Variants in CCSER1 observed in about 807,000 individuals in gnomAD.
The protein encoded by CCSER1 is serine-rich coiled-coil domain-containing protein 1.
In CCSER1, 41 loss-of-function variants were observed where a neutral mutation model predicts 82.0. The ratio of observed to expected loss-of-function variants is 0.50; its 90% CI spans 0.39 to 0.65. The LOEUF (loss-of-function observed/expected upper bound fraction) is 0.65, where lower values mean the gene tolerates loss of function less well. Ranked by LOEUF, CCSER1 falls within the 30% of genes least tolerant of loss-of-function variation. CCSER1 has a pLI of 0.00. For missense variants in CCSER1, 1,119 were observed against 1,064.2 expected (o/e 1.05, Z -0.72); for synonymous variants, 414 against 383.9 (o/e 1.08, Z -0.92).
chr4:90,352,766 G>T (rs1187341297), intron 3 of CCSER1, among the ~76,000 whole-genome samples: 5 of 152,072 alleles, frequency 3.3e-5, no homozygotes, highest in Admixed American at 3.3e-4. Context: ...TGTTTTTCCT[G>T]TAAAATGGGG....
intron 10 of CCSER1, among the ~76,000 whole-genome samples, chr4:91,214,650 A>T (rs1439869407): frequency 6.6e-6 from 1 of 152,202 alleles, no homozygotes; most frequent in Non-Finnish European, 1.5e-5. Flanking sequence ...TAGCATATTT[A>T]CTATTCTGAA....
At chr4:90,686,182 T>C (rs1392252452) in intron 6 of CCSER1, among the ~76,000 whole-genome samples, 2 of 152,188 alleles carry the variant, frequency 1.3e-5, no homozygotes, top group Admixed American at 1.3e-4. Context: ...TTCTGGGAAG[T>C]CTAGTTTTAG....
At position 90,861,380 on chromosome 4, in the gene CCSER1, A is replaced by G. The variant is rs146846939; in HGVS notation, c.2094+45535A>G. Among the ~76,000 whole-genome samples, 10 of 151,862 alleles carry G rather than the reference A, an allele frequency of 6.6e-5. No individual in the cohort carries two copies. In the East Asian group the frequency reaches 1.9e-3, roughly 29 times the overall value. On this transcript the variant is annotated intron_variant, in intron 8 of 10. Coordinates refer to ENST00000509176, the MANE Select transcript of CCSER1 (RefSeq NM_001145065.2). Reference sequence around the variant, plus strand: ...TAAATTCCAAAAGCAATAACACAGTATTATGTATAATGATTGATGTCCCAG... The same window carrying G: ...TAAATTCCAAAAGCAATAACACAGTGTTATGTATAATGATTGATGTCCCAG...
chr4:90,455,087 AG>A (rs1761998077), intron 4 of CCSER1, among the ~76,000 whole-genome samples: 2 of 152,190 alleles, frequency 1.3e-5, no homozygotes, highest in South Asian at 4.1e-4. Flanking sequence ...TGCCACCAGG[AG>A]GGCAGAATCA....
intron 10 of CCSER1, among the ~76,000 whole-genome samples, chr4:91,221,557 G>A (rs1030060923): frequency 4.2e-5 from 4 of 95,506 alleles, no homozygotes; most frequent in Non-Finnish European, 4.0e-5. Flanking sequence ...ATAACCCATA[G>A]GCATGGATTG....
At chr4:90,842,033 T>A (rs1344103995) in intron 8 of CCSER1, among the ~76,000 whole-genome samples, 4 of 152,298 alleles carry the variant, frequency 2.6e-5, no homozygotes, top group Middle Eastern at 3.4e-3. Context: ...CTCTGTTTTT[T>A]TTTTCCCATT....
At position 91,185,857 on chromosome 4, in the gene CCSER1, G is replaced by A. The variant is rs151181755; in HGVS notation, c.2217+99863G>A. ...GGAGTATTTCCTTTATCCACTCTCA[G>A]TCTTGCCATTGCCTGTACTAGCCAA... is the stretch of plus-strand genomic sequence containing the variant. On this transcript the variant is annotated intron_variant, in intron 10 of 10. Transcript: ENST00000509176. Among the ~76,000 whole-genome samples, 35 of 152,186 alleles carry A rather than the reference G, an allele frequency of 2.3e-4. No homozygotes were observed. The East Asian group carries it at 6.8e-3, about 29-fold the overall frequency.
At chr4:90,702,273 T>G (rs542765722) in intron 6 of CCSER1, among the ~76,000 whole-genome samples, 128 of 152,168 alleles carry the variant, frequency 8.4e-4, no homozygotes, top group Non-Finnish European at 1.6e-3. Context: ...CTGGATTACG[T>G]TTATTGGTTT....
intron 9 of CCSER1, among the ~76,000 whole-genome samples, chr4:90,972,903 T>C (rs367572451): frequency 2.0e-5 from 3 of 151,596 alleles, no homozygotes; most frequent in African/African-American, 7.3e-5. Context: ...AAGCATACAA[T>C]GGGGGGACGA....
intron 10 of CCSER1, among the ~76,000 whole-genome samples, chr4:91,179,810 C>T (rs561581254): frequency 2.6e-5 from 4 of 152,226 alleles, no homozygotes; most frequent in Non-Finnish European, 5.9e-5. Context: ...TCTCTGAACT[C>T]GTCAAAGTCA....
intron 10 of CCSER1, among the ~76,000 whole-genome samples, chr4:91,156,389 T>TA (rs1471828422): frequency 4.5e-4 from 69 of 151,732 alleles, no homozygotes; most frequent in African/African-American, 1.6e-3. Context: ...TCCCTACTTT[T>TA]AAAAAAATTT....
chr4:90,265,049 G>A (rs1052002718), intron 1 of CCSER1, among the ~76,000 whole-genome samples: 3 of 151,648 alleles, frequency 2.0e-5, no homozygotes, highest in Non-Finnish European at 2.9e-5. Flanking sequence ...GAATATTCTT[G>A]TATCTCAGAT....
intron 6 of CCSER1, among the ~76,000 whole-genome samples, chr4:90,645,996 T>A (rs534604452): frequency 2.2e-4 from 33 of 152,208 alleles, no homozygotes; most frequent in Non-Finnish European, 4.6e-4. Context: ...TACTGACAAA[T>A]TGTTTAATAT....
At position 91,085,934 on chromosome 4, in the gene CCSER1, T is replaced by G; in HGVS notation, c.2173-16T>G. 1.4e-6 allele frequency: 2 copies of G among 1,424,142 alleles called. No homozygotes were observed. Among genetic ancestry groups the G allele is most frequent in the Non-Finnish European group, 1.9e-6 (2 of 1,032,492 alleles). 88.2% of individuals were successfully genotyped at this position (1,424,142 alleles called of 1,614,324 possible). The stretch of plus-strand genomic sequence containing the variant: ...CTTCGTTGCCAATAATAATATACTT[T>G]GCTTTTCTTTTTCAGGGTTTAAACT... On this transcript the variant is annotated splice_polypyrimidine_tract_variant and intron_variant, in intron 9 of 10. Coordinates refer to ENST00000509176, the MANE Select transcript of CCSER1 (RefSeq NM_001145065.2).
At chr4:90,802,017 A>G (rs1756894468) in intron 7 of CCSER1, among the ~76,000 whole-genome samples, 1 of 151,904 alleles carries the variant, frequency 6.6e-6, no homozygotes, top group South Asian at 2.1e-4. Flanking sequence ...CAGTAGTTCA[A>G]GATCAACCTG....
intron 7 of CCSER1, among the ~76,000 whole-genome samples, chr4:90,771,296 C>T (rs952878129): frequency 4.6e-5 from 7 of 151,464 alleles, no homozygotes; most frequent in Admixed American, 1.3e-4. Flanking sequence ...ATATATTATT[C>T]TAAGATTGTT....
At chr4:91,080,844 A>G (rs1722630557) in intron 9 of CCSER1, among the ~76,000 whole-genome samples, 1 of 152,196 alleles carries the variant, frequency 6.6e-6, no homozygotes, top group Admixed American at 6.5e-5. Flanking sequence ...CTGGACACAT[A>G]CACCCTCCCA....
intron 3 of CCSER1, among the ~76,000 whole-genome samples, chr4:90,395,288 A>G (rs1049572577): frequency 1.6e-4 from 24 of 152,248 alleles, no homozygotes; most frequent in Non-Finnish European, 1.2e-4. Context: ...AGAAAATTGT[A>G]CATGTTACAG....
At chr4:90,640,873 A>T (rs1255698793) in intron 6 of CCSER1, among the ~76,000 whole-genome samples, 1 of 152,106 alleles carries the variant, frequency 6.6e-6, no homozygotes, top group African/African-American at 2.4e-5. Context: ...TGAGTCAAAC[A>T]TCTTTCTTTT....
Sources: allele counts gnomAD v4.1 joint callset (sites outside exome capture counted in the v4.1 genomes callset), GRCh38; gene constraint gnomAD v4.1.1; transcripts MANE v1.5; gene names NCBI Gene and HGNC (gene_info 2026-07-23, HGNC 2026-07-21).